CARMIL3: variants seen among roughly 807,000 people sequenced by gnomAD.
The protein encoded by CARMIL3 is capping protein, Arp2/3 and myosin-I linker protein 3.
CARMIL3 carries 88 observed loss-of-function variants against 180.8 expected under a neutral mutation model. The observed-to-expected ratio is 0.49, with a 90% CI of 0.41 to 0.58. CARMIL3 has a LOEUF of 0.58. CARMIL3 is among the 20% of genes least tolerant of loss of function. The pLI is 0.00. For missense variants in CARMIL3, 1,548 were observed against 1,787.0 expected (o/e 0.87, Z 2.41); for synonymous variants, 696 against 714.5 (o/e 0.97, Z 0.41).
At position 24,054,441 on chromosome 14, in the gene CARMIL3, T is replaced by A; in HGVS notation, c.292T>A (p.Ser98Thr). The change falls in exon 5 of 40, where the codon TCA becomes ACA. Residue 98 changes from serine to threonine, a missense_variant. Transcript: ENST00000342740. The surrounding 1 kb of genome is among the most constrained non-coding windows in gnomAD (Gnocchi z 5.1). The part of the protein sequence containing the change: ...ERGMVSMRLP[S>T]AESVDQVTRH... ...TGGCATGGTGAGCATGCGACTGCCA[T>A]CAGCTGAAAGTGTGGACCAGGTGAC... is the stretch of plus-strand genomic sequence containing the variant. The A allele has an allele frequency of 1.2e-6, 2 of 1,614,112 alleles. No individual in the cohort carries two copies. Among genetic ancestry groups the A allele is most frequent in the Non-Finnish European group, 1.7e-6 (2 of 1,180,002 alleles).
At chr14:24,056,534 A>C in intron 11 of CARMIL3, 88 bp from the exon 12 acceptor site, 1 of 1,484,536 alleles carries the variant, frequency 6.7e-7, no homozygotes, top group Admixed American at 1.7e-5. Flanking sequence ...CAAGGCCTGT[A>C]CCCTACTCGA....
chr14:24,068,465 G>C (rs776414097), intron 36 of CARMIL3, 119 bp from the exon 37 acceptor site: 1 of 745,510 alleles, frequency 1.3e-6, no homozygotes. Flanking sequence ...AGACATAGGA[G>C]CAAGTGGGCT....
intron 27 of CARMIL3, chr14:24,062,112 C>T (rs957939357): frequency 5.4e-6 from 2 of 367,280 alleles, no homozygotes; most frequent in African/African-American, 4.1e-5. Flanking sequence ...CAGCTAGGCC[C>T]AAGGAAGGGT....
intron 27 of CARMIL3, 167 bp from the exon 28 acceptor site, chr14:24,062,313 T>C: frequency 2.9e-6 from 2 of 682,018 alleles, no homozygotes; most frequent in South Asian, 3.3e-5. Flanking sequence ...TGTGGAGAAA[T>C]GAGTGTCAAG....
In CARMIL3 at chr14:24,057,960, GA is replaced by G; in HGVS notation, c.1220del (p.Lys407ArgfsTer19). 6.2e-7 allele frequency: 1 copy of G among 1,613,376 alleles called. No individual in the cohort carries two copies. Among genetic ancestry groups the G allele is most frequent in the Non-Finnish European group, 8.5e-7 (1 of 1,179,974 alleles). On this transcript the variant is annotated frameshift_variant and splice_region_variant, in exon 16 of 40. Transcript: ENST00000342740. LOFTEE classifies it high-confidence loss of function. The stretch of plus-strand genomic sequence containing the variant: ...GCTGACCCCAGGGGTCTCTCCACAG[GA>G]AGGGTCGAGAGGCCCCGCCGGCCTT... The part of the protein sequence containing the change: ...NLARNSCSHR[K>X]GREAPPAFKQ...
intron 29 of CARMIL3, 121 bp downstream of exon 29, chr14:24,062,967 C>A: frequency 6.5e-7 from 1 of 1,535,190 alleles, no homozygotes; most frequent in Non-Finnish European, 8.8e-7. Context: ...TGGCCTTCTG[C>A]CTCCAATCTC....
At chr14:24,063,286 A>G (rs1413394028) in intron 30 of CARMIL3, 39 bp from the exon 31 acceptor site, 1 of 1,590,524 alleles carries the variant, frequency 6.3e-7, no homozygotes, top group East Asian at 2.3e-5. Flanking sequence ...CTTTCTCCCC[A>G]TTCCTCTGCT....
chr14:24,056,198 A>G (rs1285042309), intron 10 of CARMIL3, 101 bp from the exon 11 acceptor site: 2 of 947,016 alleles, frequency 2.1e-6, no homozygotes, highest in Admixed American at 4.5e-5. Flanking sequence ...GCCTCTGACC[A>G]TGCAGCCCCA....
intron 39 of CARMIL3, 28 bp downstream of exon 39, chr14:24,069,275 C>A (rs1291570363): frequency 7.4e-6 from 12 of 1,612,432 alleles, no homozygotes; most frequent in Non-Finnish European, 1.0e-5. Context: ...GCAGGTCCCC[C>A]CTTCCCACCT....
In CARMIL3 at chr14:24,068,578, C is replaced by A. The variant is rs2035817089; in HGVS notation, c.3683-6C>A. 1.2e-6 allele frequency: 2 copies of A among 1,601,200 alleles called. No homozygotes were observed. The highest frequency in any genetic ancestry group is 8.5e-7 in the Non-Finnish European group (1 of 1,171,372). On this transcript the variant is annotated splice_region_variant and splice_polypyrimidine_tract_variant and intron_variant, in intron 36 of 39. Transcript: ENST00000342740. ...TCCTGCAGCTTCTCCTCTCTCTCAT[C>A]CCCAGCTGAAGAGAGTGCCCCCAAC...
chr14:24,069,450 G>A lies in CARMIL3; in HGVS notation c.*46G>A, dbSNP rs1279502786. On this transcript the variant is annotated 3_prime_UTR_variant, in exon 40 of 40. Coordinates refer to ENST00000342740, the MANE Select transcript of CARMIL3 (RefSeq NM_138360.4). ...TCAGCCCTCGACATGTGCCTCGCAA[G>A]GACTCAGACCCCTATCCACCCCCAG... 6.2e-7 allele frequency: 1 copy of A among 1,613,524 alleles called. No individual in the cohort carries two copies. The highest frequency in any genetic ancestry group is 2.2e-5 in the East Asian group (1 of 44,864).
At position 24,054,266 on chromosome 14, in the gene CARMIL3, G is replaced by A; in HGVS notation, c.211G>A (p.Glu71Lys). 1 of 1,614,196 alleles carries A rather than the reference G, an allele frequency of 6.2e-7. No homozygotes were observed. The highest frequency in any genetic ancestry group is 8.5e-7 in the Non-Finnish European group (1 of 1,180,034). The change falls in exon 4 of 40, where the codon GAG becomes AAG. Residue 71 changes from glutamate (E) to lysine (K), a missense_variant. Glu to Lys is a moderately conservative substitution (Grantham distance 56). Coordinates refer to ENST00000342740, the MANE Select transcript of CARMIL3 (RefSeq NM_138360.4). This position sits in a 1 kb window ranked among gnomAD's most constrained non-coding sequence, Gnocchi z 5.1. ...AKVESSFNVL[E>K]IRAFNTLSQN... is the part of the protein sequence containing the mutation. Reference sequence around the variant, plus strand: ...GGTGGAGAGCTCCTTCAATGTCCTGGAGATCCGTGCCTTCAACACGCTCAG... The same window carrying A: ...GGTGGAGAGCTCCTTCAATGTCCTGAAGATCCGTGCCTTCAACACGCTCAG...
At position 24,057,983 on chromosome 14, in the gene CARMIL3, C is replaced by T. The variant is rs113048407; in HGVS notation, c.1241C>T (p.Ala414Val). The change falls in exon 16 of 40, where the codon GCC (alanine) becomes GTC (valine). Residue 414 changes from alanine (A) to valine (V), a missense_variant. By Grantham distance (64) the Ala-to-Val change is moderately conservative. Around this residue, in one of 4 missense-constraint regions of CARMIL3, gnomAD observed 578 missense variants for 666.5 expected, o/e 0.87. Coordinates refer to ENST00000342740, the MANE Select transcript of CARMIL3 (RefSeq NM_138360.4). ...SHRKGREAPP[A>V]FKQFFSSAYT... is the part of the protein sequence containing the mutation. ...AGGAAGGGTCGAGAGGCCCCGCCGG[C>T]CTTCAAGCAGTTCTTCAGCAGCGCC... 3.9e-4 allele frequency: 624 copies of T among 1,613,692 alleles called. 2 individuals are homozygous for T. The African/African-American group carries it at 7.2e-3, about 19-fold the overall frequency.
Position 24,056,351 on chromosome 14 carries a change from C to G in CARMIL3, c.823C>G (p.Leu275Val). 6.2e-7 allele frequency: 1 copy of G among 1,613,984 alleles called. No individual in the cohort carries two copies. The highest frequency in any genetic ancestry group is 8.5e-7 in the Non-Finnish European group (1 of 1,179,910). ...GTTTGGGGAGAACGGGAGCTGTGTG[C>G]TGCATGCCCTCACTCTGTCCCACAA... The part of the protein sequence containing the change: ...GVFGENGSCV[L>V]HALTLSHNPI... The change falls in exon 11 of 40, where the codon CTG becomes GTG. Residue 275 changes from leucine to valine, a missense_variant. Around this residue, in one of 4 missense-constraint regions of CARMIL3, gnomAD observed 578 missense variants for 666.5 expected, o/e 0.87. Transcript: ENST00000342740.
rs748878407 is a variant in CARMIL3, at chr14:24,055,273, G to A, written c.568G>A (p.Glu190Lys). The stretch of plus-strand genomic sequence containing the variant: ...CATCTACCATGCTGAAGATAACCGG[G>A]AGTTCAATCTTTTGGATTTCAGCCA... ...DTIYHAEDNR[E>K]FNLLDFSHLE... Residue 190 changes from glutamate (E) to lysine (K), a missense_variant, in exon 8 of 40, where the codon GAG (glutamate) becomes AAG (lysine). Physicochemically the swap from Glu to Lys is moderately conservative, Grantham distance 56. This residue lies in a region of CARMIL3 where 578 missense variants were observed against 666.5 expected (regional missense o/e 0.87). Coordinates refer to ENST00000342740, the MANE Select transcript of CARMIL3 (RefSeq NM_138360.4). 1.2e-6 allele frequency: 2 copies of A among 1,613,978 alleles called. No individual in the cohort carries two copies. Among genetic ancestry groups the A allele is most frequent in the South Asian group, 1.1e-5 (1 of 91,070 alleles).
In CARMIL3 at chr14:24,058,136, G is replaced by C. The variant is rs1320370552; in HGVS notation, c.1323-19G>C. The C allele has an allele frequency of 6.2e-7, 1 of 1,613,750 alleles. No homozygotes were observed. The highest frequency in any genetic ancestry group is 1.7e-5 in the Admixed American group (1 of 60,018). On this transcript the variant is annotated intron_variant, in intron 16 of 39. Coordinates refer to ENST00000342740, the MANE Select transcript of CARMIL3 (RefSeq NM_138360.4). This position sits in a 1 kb window ranked among gnomAD's most constrained non-coding sequence, Gnocchi z 6.4. ...AGCGGGAAGAGGTAAAGGAGGGCCT[G>C]CTGACCTCCCTCCCACAGGGCGCTG... is the stretch of plus-strand genomic sequence containing the variant.
In CARMIL3 at chr14:24,066,407, C is replaced by T. The variant is rs1265090534; in HGVS notation, c.3535C>T (p.Pro1179Ser). 2.5e-6 allele frequency: 4 copies of T among 1,614,196 alleles called. No homozygotes were observed. The highest frequency in any genetic ancestry group is 2.2e-5 in the South Asian group (2 of 91,084). ...CCCACTGTTCTTTCAGGGCCCAGGC[C>T]CAGACCAGGAGGGCAGCACCCAGGC... is the stretch of plus-strand genomic sequence containing the variant. ...SFDGKREGPG[P>S]DQEGSTQAWQ... The change falls in exon 35 of 40, where the codon CCA becomes TCA. Residue 1179 changes from proline to serine, a missense_variant. Physicochemically the swap from Pro to Ser is moderately conservative, Grantham distance 74. Transcript: ENST00000342740.
At position 24,059,141 on chromosome 14, in the gene CARMIL3, G is replaced by A. The variant is rs1157127770; in HGVS notation, c.1578G>A (p.Leu526=). The A allele has an allele frequency of 1.2e-6, 2 of 1,604,362 alleles. No individual in the cohort carries two copies. Among genetic ancestry groups the A allele is most frequent in the Non-Finnish European group, 1.7e-6 (2 of 1,175,854 alleles). ...GKNFNVKAKT[L]EEILHKLVQL... is the part of the protein sequence containing the mutation. ...GAGCCCCGCCTCCCTGCAGGACCCT[G>A]GAGGAGATCCTCCACAAGCTGGTGC... The change falls in exon 20 of 40, where the codon CTG becomes CTA. Residue 526 remains leucine (L), a synonymous_variant. Transcript: ENST00000342740. This position sits in a 1 kb window ranked among gnomAD's most constrained non-coding sequence, Gnocchi z 6.3.
In CARMIL3 at chr14:24,069,169, C is replaced by A; in HGVS notation, c.4015C>A (p.Leu1339Met). 6.2e-7 allele frequency: 1 copy of A among 1,614,112 alleles called. No individual in the cohort carries two copies. The highest frequency in any genetic ancestry group is 8.5e-7 in the Non-Finnish European group (1 of 1,180,010). ...TGATCCAGGCCGGCGGACTGCCCCC[C>A]TGAAGCCCAAGAGGACACGGCGGGC... ...PPDPGRRTAP[L>M]KPKRTRRAQS... The change falls in exon 39 of 40, where the codon CTG becomes ATG. Residue 1339 changes from leucine (L) to methionine (M), a missense_variant. This residue lies in a region of CARMIL3 where 668 missense variants were observed against 687.8 expected (regional missense o/e 0.97). Transcript: ENST00000342740.
Sources: gnomAD v4.1 joint callset for allele counts on GRCh38, gnomAD v4.1.1 for gene constraint, gnomAD v4.1.1 regional missense constraint, Gnocchi (gnomAD v3.1) non-coding constraint, MANE v1.5 for transcripts, NCBI Gene and HGNC (gene_info 2026-07-23, HGNC 2026-07-21) for gene names.